Variants in FZD3 observed in about 807,000 individuals in gnomAD.
FZD3 encodes frizzled class receptor 3, also known as frizzled-3.
In FZD3, 30 loss-of-function variants were observed where a neutral mutation model predicts 60.7. The ratio of observed to expected loss-of-function variants is 0.49; its 90% CI spans 0.37 to 0.67. The LOEUF (loss-of-function observed/expected upper bound fraction) is 0.67, where lower values mean the gene tolerates loss of function less well. FZD3 is among the 30% of genes least tolerant of loss of function. The pLI, the probability that FZD3 is intolerant of heterozygous loss-of-function variation, is 0.00. For missense variants in FZD3, 605 were observed against 838.7 expected (o/e 0.72, Z 3.44); for synonymous variants, 246 against 275.2 (o/e 0.89, Z 1.05).
chr8:28,503,310 T>C, intron 3 of FZD3, 108 bp downstream of exon 3: 1 of 569,192 alleles, frequency 1.8e-6, no homozygotes, highest in Non-Finnish European at 3.0e-6. Flanking sequence ...TAATATGCTA[T>C]TTTAAATTAT....
intron 3 of FZD3, among the ~76,000 whole-genome samples, chr8:28,505,428 C>G (rs1365061901): frequency 1.3e-5 from 2 of 152,086 alleles, no homozygotes; most frequent in Admixed American, 1.3e-4. Context: ...CATGGCTCAC[C>G]ACAGCCTCAA....
At position 28,549,896 on chromosome 8, in the gene FZD3, T is replaced by G. The variant is rs373065509; in HGVS notation, c.1405-1707T>G. 9.2e-5 allele frequency among the ~76,000 whole-genome samples: 14 copies of G among 152,292 alleles called. 1 individual carries two copies. Among genetic ancestry groups the G allele is most frequent in the African/African-American group, 3.1e-4 (13 of 41,572 alleles). On this transcript the variant is annotated intron_variant, in intron 5 of 7. Transcript: ENST00000240093. ...AAATTTACTAATATTGAACCATCTT[T>G]GCATTCCCCTGTTTGGTCCTGGCCT...
At chr8:28,548,219 C>T (rs528801495) in intron 5 of FZD3, among the ~76,000 whole-genome samples, 1 of 93,672 alleles carries the variant, frequency 1.1e-5, no homozygotes, top group East Asian at 3.4e-4. Context: ...CCATCTCTCT[C>T]CTTGAAATAA....
intron 3 of FZD3, among the ~76,000 whole-genome samples, chr8:28,505,589 C>T (rs1476219921): frequency 6.6e-6 from 1 of 152,054 alleles, no homozygotes; most frequent in African/African-American, 2.4e-5. Context: ...TGGGCTGAAG[C>T]GATCCACCCA....
Position 28,527,898 on chromosome 8 carries a change from T to A in FZD3, c.1138T>A (p.Cys380Ser), listed in dbSNP as rs1804759242. 12 of 1,614,014 alleles carry A rather than the reference T, an allele frequency of 7.4e-6. No homozygotes were observed. The highest frequency in any genetic ancestry group is 1.6e-4 in the Middle Eastern group (1 of 6,084). The part of the protein sequence containing the change: ...ALRYFVLAPL[C>S]LYVVVGVSLL... Reference sequence around the variant, plus strand: ...GAGATATTTTGTTCTTGCTCCCCTCTGCCTGTATGTGGTAGTTGGGGTTTC... The same window carrying A: ...GAGATATTTTGTTCTTGCTCCCCTCAGCCTGTATGTGGTAGTTGGGGTTTC... Residue 380 changes from cysteine (C) to serine (S), a missense_variant, in exon 5 of 8, where the codon TGC becomes AGC. Coordinates refer to ENST00000240093, the MANE Select transcript of FZD3 (RefSeq NM_017412.4). The surrounding 1 kb of genome is among the most constrained non-coding windows in gnomAD (Gnocchi z 5.0).
intron 1 of FZD3, among the ~76,000 whole-genome samples, chr8:28,496,466 C>G (rs920452418): frequency 5.9e-5 from 9 of 151,844 alleles, no homozygotes; most frequent in Non-Finnish European, 1.0e-4. Context: ...TTTCCTATCC[C>G]CAGAACTCTA....
intron 5 of FZD3, among the ~76,000 whole-genome samples, chr8:28,534,052 A>T (rs563577296): frequency 2.0e-5 from 3 of 152,252 alleles, no homozygotes; most frequent in African/African-American, 7.2e-5. Flanking sequence ...TTTCAAATAG[A>T]TAGTATGGCT....
At chr8:28,559,653 C>T (rs1410961996) in intron 7 of FZD3, among the ~76,000 whole-genome samples, 1 of 152,124 alleles carries the variant, frequency 6.6e-6, no homozygotes, top group African/African-American at 2.4e-5. Flanking sequence ...CTTGGCTGTA[C>T]CCAGAACTTT....
intron 1 of FZD3, among the ~76,000 whole-genome samples, chr8:28,495,687 A>G (rs1433333719): frequency 6.6e-6 from 1 of 152,108 alleles, no homozygotes; most frequent in Non-Finnish European, 1.5e-5. Context: ...AATCAATACT[A>G]TCTTTTTCCT....
Position 28,568,135 on chromosome 8 carries a change from T to C in FZD3, c.*5124T>C, listed in dbSNP as rs1805737618. 6.6e-6 allele frequency: 1 copy of C among 152,164 alleles called. No homozygotes were observed. The highest frequency in any genetic ancestry group is 2.4e-5 in the African/African-American group (1 of 41,452). The allele number at this position is 152,164 out of a possible 1,614,324, so 9.4% of individuals were successfully genotyped here. Reference sequence around the variant, plus strand: ...TAAGGATTTTTTCTCCATTCTTCACTCACAAAGGATAGCATTTTTATGGAA... The same window carrying C: ...TAAGGATTTTTTCTCCATTCTTCACCCACAAAGGATAGCATTTTTATGGAA... On this transcript the variant is annotated 3_prime_UTR_variant, in exon 8 of 8. Coordinates refer to ENST00000240093, the MANE Select transcript of FZD3 (RefSeq NM_017412.4).
At chr8:28,509,195 A>G (rs1585950275) in intron 3 of FZD3, among the ~76,000 whole-genome samples, 1 of 151,880 alleles carries the variant, frequency 6.6e-6, no homozygotes, top group Non-Finnish European at 1.5e-5. Context: ...TTATAATTAT[A>G]CTTCAAGGTA....
At chr8:28,536,575 G>A (rs1239873327) in intron 5 of FZD3, among the ~76,000 whole-genome samples, 1 of 152,116 alleles carries the variant, frequency 6.6e-6, no homozygotes, top group Non-Finnish European at 1.5e-5. Flanking sequence ...GGGCTGTGGT[G>A]GCACACGCCT....
chr8:28,529,134 G>A (rs1300995356), intron 5 of FZD3, among the ~76,000 whole-genome samples: 1 of 152,042 alleles, frequency 6.6e-6, no homozygotes, highest in Non-Finnish European at 1.5e-5. Flanking sequence ...GCCCAGGCTA[G>A]TCTCGAACTC....
At chr8:28,546,845 G>A (rs1805305517) in intron 5 of FZD3, among the ~76,000 whole-genome samples, 1 of 152,074 alleles carries the variant, frequency 6.6e-6, no homozygotes, top group Non-Finnish European at 1.5e-5. Context: ...CATGGTGGCA[G>A]GCACCTGTAG....
chr8:28,549,550 T>G (rs1232885750), intron 5 of FZD3, among the ~76,000 whole-genome samples: 2 of 152,170 alleles, frequency 1.3e-5, no homozygotes, highest in African/African-American at 2.4e-5. Context: ...CTAGTTTTTA[T>G]AAGCTTTATT....
chr8:28,544,206 C>A (rs1225058176), intron 5 of FZD3, among the ~76,000 whole-genome samples: 1 of 152,092 alleles, frequency 6.6e-6, no homozygotes, highest in Non-Finnish European at 1.5e-5. Flanking sequence ...CTTTAAGCTT[C>A]TCAACCTGTT....
intron 5 of FZD3, among the ~76,000 whole-genome samples, chr8:28,531,895 T>C (rs2130390936): frequency 6.6e-6 from 1 of 152,322 alleles, no homozygotes; most frequent in South Asian, 2.1e-4. Context: ...TCTTAGTCTT[T>C]TGTGTTTTAA....
intron 3 of FZD3, among the ~76,000 whole-genome samples, chr8:28,510,441 T>G (rs954973054): frequency 6.6e-6 from 1 of 152,256 alleles, no homozygotes; most frequent in Non-Finnish European, 1.5e-5. Context: ...AGTATCTGTT[T>G]CTTCACAGCT....
intron 2 of FZD3, among the ~76,000 whole-genome samples, 170 bp downstream of exon 2, chr8:28,500,148 TC>T (rs895946673): frequency 2.0e-4 from 30 of 152,348 alleles, no homozygotes; most frequent in African/African-American, 7.2e-4. Flanking sequence ...TGCTGTTTTT[TC>T]CCTTCTTTTA....
Sources: allele counts gnomAD v4.1 joint callset (sites outside exome capture counted in the v4.1 genomes callset), GRCh38; gene constraint gnomAD v4.1.1; non-coding constraint Gnocchi (gnomAD v3.1); transcripts MANE v1.5; gene names NCBI Gene and HGNC (gene_info 2026-07-23, HGNC 2026-07-21).